The following GLI2 variants were observed in gnomAD, a reference collection of about 807,000 sequenced individuals.
The protein encoded by GLI2 is GLI family zinc finger 2.
A neutral mutation model predicts 78.9 loss-of-function variants in GLI2; 22 were observed. The observed-to-expected ratio is 0.28, with a 90% confidence interval of 0.20 to 0.40. The LOEUF is 0.40. GLI2 is among the 10% of genes least tolerant of loss of function. The pLI, the probability that GLI2 is intolerant of heterozygous loss-of-function variation, is 1.00. For missense variants in GLI2, 2,097 were observed against 2,213.2 expected, an observed-to-expected ratio of 0.95 and a Z score of 1.05; for synonymous variants, 974 against 963.7, an observed-to-expected ratio of 1.01 and a Z score of -0.20.
chr2:120,857,335 A>G (rs1687693494), intron 2 of GLI2, among the ~76,000 whole-genome samples: 1 of 142,628 alleles, frequency 7.0e-6, no homozygotes, highest in South Asian at 2.3e-4. Context: ...CCACCCACCT[A>G]CCCATCTGCC....
intron 3 of GLI2, among the ~76,000 whole-genome samples, chr2:120,927,995 C>T (rs1269898015): frequency 1.3e-5 from 2 of 152,190 alleles, no homozygotes; most frequent in Non-Finnish European, 1.5e-5. Flanking sequence ...GTGGTCTCCA[C>T]CTGCCTAACC....
At chr2:120,746,733 T>G (rs779178023) in intron 1 of GLI2, among the ~76,000 whole-genome samples, 7 of 152,184 alleles carry the variant, frequency 4.6e-5, no homozygotes, top group South Asian at 2.1e-4. Flanking sequence ...AGACATGCCT[T>G]TTTACTGAAA....
chr2:120,883,822 G>C (rs1036052128), intron 2 of GLI2, among the ~76,000 whole-genome samples: 2 of 152,148 alleles, frequency 1.3e-5, no homozygotes, highest in Admixed American at 1.3e-4. Context: ...GTGGGGGTAG[G>C]GAGTGGGAGA....
At chr2:120,963,587 T>TG (rs1407121636) in intron 5 of GLI2, among the ~76,000 whole-genome samples, 3 of 151,768 alleles carry the variant, frequency 2.0e-5, no homozygotes, top group Non-Finnish European at 4.4e-5. Flanking sequence ...TGTGTCCACC[T>TG]GGGTGTGTGT....
intron 2 of GLI2, among the ~76,000 whole-genome samples, chr2:120,856,178 A>G (rs375083869): frequency 6.6e-6 from 1 of 152,070 alleles, no homozygotes; most frequent in Non-Finnish European, 1.5e-5. Flanking sequence ...TTATTTTCCA[A>G]CACCTCAGGC....
intron 5 of GLI2, among the ~76,000 whole-genome samples, chr2:120,967,387 A>G (rs557471092): frequency 6.6e-6 from 1 of 152,344 alleles, no homozygotes; most frequent in South Asian, 2.1e-4. Flanking sequence ...GGATCTGGAC[A>G]GGGCAGGAAG....
chr2:120,923,540 GC>G (rs990386672), intron 2 of GLI2, among the ~76,000 whole-genome samples: 17 of 150,276 alleles, frequency 1.1e-4, no homozygotes, highest in Non-Finnish European at 5.9e-5. Flanking sequence ...TATGCACACA[GC>G]AACACACGCA....
At chr2:120,904,114 T>C (rs1394880894) in intron 2 of GLI2, among the ~76,000 whole-genome samples, 1 of 152,124 alleles carries the variant, frequency 6.6e-6, no homozygotes, top group African/African-American at 2.4e-5. Flanking sequence ...CCATGGGCAG[T>C]GGGCATGTAT....
chr2:120,901,620 A>G (rs888774866), intron 2 of GLI2, among the ~76,000 whole-genome samples: 2 of 152,216 alleles, frequency 1.3e-5, no homozygotes, highest in African/African-American at 4.8e-5. Context: ...CGGAGTGCAC[A>G]TCCTGTTTCT....
At chr2:120,900,618 G>T (rs1678204559) in intron 2 of GLI2, among the ~76,000 whole-genome samples, 1 of 152,186 alleles carries the variant, frequency 6.6e-6, no homozygotes, top group Non-Finnish European at 1.5e-5. Flanking sequence ...GAAACAAGAT[G>T]AGGGGACAAC....
At chr2:120,811,936 C>T (rs992648748) in intron 2 of GLI2, among the ~76,000 whole-genome samples, 2 of 152,036 alleles carry the variant, frequency 1.3e-5, no homozygotes, top group African/African-American at 2.4e-5. Flanking sequence ...CCCTGGGTGG[C>T]AGCAGCGAAC....
chr2:120,829,726 G>A (rs1573445160), intron 2 of GLI2, among the ~76,000 whole-genome samples: 1 of 152,220 alleles, frequency 6.6e-6, no homozygotes, highest in Non-Finnish European at 1.5e-5. Context: ...GAAGGGGACT[G>A]TGTCCACCAG....
At chr2:120,950,545 G>A (rs774552437) in intron 3 of GLI2, among the ~76,000 whole-genome samples, 2 of 152,202 alleles carry the variant, frequency 1.3e-5, no homozygotes, top group Admixed American at 6.5e-5. Context: ...CCAAGCCAGC[G>A]GCACCAAGCC....
intron 2 of GLI2, among the ~76,000 whole-genome samples, chr2:120,869,891 G>A (rs1252267488): frequency 6.6e-6 from 1 of 152,092 alleles, no homozygotes; most frequent in Non-Finnish European, 1.5e-5. Flanking sequence ...AGTCCAGGGA[G>A]TTCTTCAGGG....
At chr2:120,840,778 G>T (rs1459067711) in intron 2 of GLI2, among the ~76,000 whole-genome samples, 1 of 152,208 alleles carries the variant, frequency 6.6e-6, no homozygotes, top group African/African-American at 2.4e-5. Context: ...TACTAGAGAT[G>T]CAGCGATCCC....
intron 2 of GLI2, among the ~76,000 whole-genome samples, chr2:120,850,340 C>T (rs1687340419): frequency 6.6e-6 from 1 of 152,094 alleles, no homozygotes; most frequent in Non-Finnish European, 1.5e-5. Context: ...ACTAAACAGC[C>T]TAGGTCATCT....
At position 120,927,353 on chromosome 2, in the gene GLI2, C is replaced by A; in HGVS notation, c.149-8C>A. 2 of 1,601,124 alleles carry A rather than the reference C, an allele frequency of 1.2e-6. No individual in the cohort carries two copies. Among genetic ancestry groups the A allele is most frequent in the Non-Finnish European group, 1.7e-6 (2 of 1,168,172 alleles). On this transcript the variant is annotated splice_region_variant and splice_polypyrimidine_tract_variant and intron_variant, in intron 2 of 13. Coordinates refer to ENST00000361492, the MANE Select transcript of GLI2 (RefSeq NM_001374353.1). ...TTTGAAGTCTTGTTTCTCTCTCCCCCTCTGCAGTGCCGCAGCATCTCTTGC... is the reference window on the plus strand; with the variant it reads ...TTTGAAGTCTTGTTTCTCTCTCCCCATCTGCAGTGCCGCAGCATCTCTTGC...
chr2:120,927,490 G>A, intron 3 of GLI2, 24 bp downstream of exon 3: 1 of 1,507,592 alleles, frequency 6.6e-7, no homozygotes, highest in Non-Finnish European at 9.2e-7. Flanking sequence ...TCTGCCTGCT[G>A]CTCCTGGCGT....
At chr2:120,772,338 C>A (rs1329074762) in intron 1 of GLI2, among the ~76,000 whole-genome samples, 2 of 152,150 alleles carry the variant, frequency 1.3e-5, no homozygotes, top group Non-Finnish European at 1.5e-5. Flanking sequence ...AGACTCAGCA[C>A]CCTGTTCTGC....
Sources: gnomAD v4.1 joint callset for allele counts (sites outside exome capture counted in the v4.1 genomes callset) on GRCh38, gnomAD v4.1.1 for gene constraint, MANE v1.5 for transcripts, NCBI Gene and HGNC (gene_info 2026-07-23, HGNC 2026-07-21) for gene names.